The following POGLUT2 variants were observed in gnomAD, a reference collection of about 807,000 sequenced individuals.
POGLUT2 encodes the protein ER protein 58.
In POGLUT2, 47 loss-of-function variants were observed where a neutral mutation model predicts 57.6. That is an observed-to-expected ratio of 0.82 (90% CI 0.65 to 1.04). The LOEUF (loss-of-function observed/expected upper bound fraction) is 1.04, where lower values mean the gene tolerates loss of function less well. Among genes scored for constraint, POGLUT2 ranks in the 50% least tolerant of loss-of-function variants. POGLUT2 has a pLI of 0.00. For synonymous variants in POGLUT2, 200 were observed against 218.8 expected, an observed-to-expected ratio of 0.91 and a Z score of 0.76; for missense variants, 565 against 614.8, an observed-to-expected ratio of 0.92 and a Z score of 0.86.
Position 102,789,198 on chromosome 13 carries a change from A to G in POGLUT2, c.1107T>C (p.Asp369=). The change falls in exon 7 of 10, where the codon GAT becomes GAC. Residue 369 remains aspartate (D), a synonymous_variant. Transcript: ENST00000376004. ...FFKHKYQINI[D]GTVAAYRLPY... ...GCAGGCGATAAGCTGCTACAGTGCC[A>G]TCGATATTTATTTGATACTTATGCT... The G allele has an allele frequency of 1.2e-6, 2 of 1,614,044 alleles. No individual in the cohort carries two copies. The highest frequency in any genetic ancestry group is 1.7e-4 in the Middle Eastern group (1 of 6,058).
rs774757152 is a variant in POGLUT2 at position 102,793,710 on chromosome 13, C to T, written c.485G>A (p.Arg162Lys). 2.5e-6 allele frequency: 4 copies of T among 1,614,042 alleles called. No individual in the cohort carries two copies. Among genetic ancestry groups the T allele is most frequent in the Non-Finnish European group, 3.4e-6 (4 of 1,180,010 alleles). The change falls in exon 3 of 10, where the codon AGA (arginine) becomes AAA (lysine). Residue 162 changes from arginine to lysine, a missense_variant. Arg to Lys is a conservative substitution (Grantham distance 26). Transcript: ENST00000376004. ...NCPETIAQIQ[R>K]DLAHFPAVDP... Reference sequence around the variant, plus strand: ...CACAGCAGGGAAATGTGCCAGATCTCTCTGAATCTGAGCAATGGTTTCAGG... The same window carrying T: ...CACAGCAGGGAAATGTGCCAGATCTTTCTGAATCTGAGCAATGGTTTCAGG...
At chr13:102,796,699 AATATATATAT>A (rs869271164) in intron 2 of POGLUT2, 95 bp downstream of exon 2, 30 of 151,342 alleles carry the variant, frequency 2.0e-4, no homozygotes, top group Non-Finnish European at 2.6e-4. Flanking sequence ...AAAAAAAAAA[AATATATATAT>A]ATATATATAT....
rs117699401 is a variant in POGLUT2, at chr13:102,789,889, C to T, written c.1084-668G>A. Among the ~76,000 whole-genome samples, 117 of 152,336 alleles carry T rather than the reference C, an allele frequency of 7.7e-4. No homozygotes were observed. In the East Asian group the frequency reaches 0.018, roughly 24 times the overall value. On this transcript the variant is annotated intron_variant, in intron 6 of 9. Coordinates refer to ENST00000376004, the MANE Select transcript of POGLUT2 (RefSeq NM_024089.3). ...CTAGGATTACAGGCGTGAGCCATCA[C>T]GCCTGGCTAACCGTATTTTTTAAAC...
At chr13:102,789,536 C>T (rs183464337) in intron 6 of POGLUT2, among the ~76,000 whole-genome samples, 221 of 152,338 alleles carry the variant, frequency 1.5e-3, no homozygotes, top group African/African-American at 5.1e-3. Flanking sequence ...AATTCTCCTG[C>T]TACTTTATTG....
At chr13:102,791,947 T>C in intron 4 of POGLUT2, 1 of 1,249,776 alleles carries the variant, frequency 8.0e-7, no homozygotes, top group Non-Finnish European at 1.0e-6. Context: ...GTTTAGAGTA[T>C]TTACAAAACA....
At chr13:102,784,995 C>T (rs897304139) in intron 9 of POGLUT2, among the ~76,000 whole-genome samples, 4 of 152,132 alleles carry the variant, frequency 2.6e-5, no homozygotes, top group African/African-American at 7.2e-5. Context: ...GGGAACCTTT[C>T]GATTTGGCAA....
At chr13:102,784,639 G>T in intron 9 of POGLUT2, 127 bp from the exon 10 acceptor site, 1 of 635,662 alleles carries the variant, frequency 1.6e-6, no homozygotes, top group Non-Finnish European at 2.9e-6. Flanking sequence ...GGCTTTTAGG[G>T]CTTGGGACTA....
intron 2 of POGLUT2, among the ~76,000 whole-genome samples, chr13:102,794,115 T>C (rs1039997740): frequency 1.3e-5 from 2 of 151,954 alleles, no homozygotes; most frequent in Non-Finnish European, 2.9e-5. Context: ...CATGCACCTG[T>C]GGTTTCAGCT....
intron 6 of POGLUT2, 83 bp from the exon 7 acceptor site, chr13:102,789,304 C>G (rs951151005): frequency 8.8e-7 from 1 of 1,138,014 alleles, no homozygotes; most frequent in Non-Finnish European, 1.3e-6. Flanking sequence ...CACACATAAA[C>G]CTTTGCAATC....
Position 102,798,727 on chromosome 13 carries a change from A to G in POGLUT2, c.-57T>C. The stretch of plus-strand genomic sequence containing the variant: ...ATAAATGAAGAAGTGTAAGAGGTGG[A>G]CAGAAGCAGCCGAGCCTTCGGCAGG... On this transcript the variant is annotated 5_prime_UTR_variant, in exon 1 of 10. Transcript: ENST00000376004. The G allele has an allele frequency of 6.8e-7, 1 of 1,467,334 alleles. No individual in the cohort carries two copies. Among genetic ancestry groups the G allele is most frequent in the East Asian group, 2.5e-5 (1 of 39,780 alleles). 90.9% of individuals were successfully genotyped at this position (1,467,334 alleles called of 1,614,324 possible). A position where few individuals can be genotyped will look rare whatever the true frequency, so the allele number is the denominator to read the frequency against.
At chr13:102,795,200 C>T (rs1172698004) in intron 2 of POGLUT2, among the ~76,000 whole-genome samples, 3 of 137,886 alleles carry the variant, frequency 2.2e-5, no homozygotes, top group South Asian at 2.2e-4. Flanking sequence ...TGCAGTGAGC[C>T]GAGATTGCAC....
At chr13:102,785,776 T>A (rs904065332) in intron 9 of POGLUT2, among the ~76,000 whole-genome samples, 1 of 152,164 alleles carries the variant, frequency 6.6e-6, no homozygotes, top group African/African-American at 2.4e-5. Context: ...ATCAATGAGA[T>A]CCTTATGTAG....
chr13:102,794,637 C>T (rs1878305420), intron 2 of POGLUT2, among the ~76,000 whole-genome samples: 2 of 152,082 alleles, frequency 1.3e-5, no homozygotes, highest in Admixed American at 1.3e-4. Context: ...TGTGCTCCAG[C>T]TTGGGGGACA....
At position 102,787,856 on chromosome 13, in the gene POGLUT2, C is replaced by A; in HGVS notation, c.1361G>T (p.Cys454Phe). 6.3e-7 allele frequency: 1 copy of A among 1,575,948 alleles called. No individual in the cohort carries two copies. Among genetic ancestry groups the A allele is most frequent in the Non-Finnish European group, 8.7e-7 (1 of 1,154,086 alleles). ...RNNLMGDDIF[C>F]YYFKLFQEYA... The stretch of plus-strand genomic sequence containing the variant: ...GACCTGGAAAAGTTTGAAATAATAA[C>A]AGAATATGTCATCGCCCATGAGATT... The change falls in exon 8 of 10, where the codon TGT becomes TTT. Residue 454 changes from cysteine (C) to phenylalanine (F), a missense_variant. Coordinates refer to ENST00000376004, the MANE Select transcript of POGLUT2 (RefSeq NM_024089.3).
chr13:102,794,215 C>T (rs1208501972), intron 2 of POGLUT2, among the ~76,000 whole-genome samples: 1 of 151,950 alleles, frequency 6.6e-6, no homozygotes, highest in Non-Finnish European at 1.5e-5. Flanking sequence ...CTGGGCAAGA[C>T]AGTGAGAGCC....
chr13:102,788,208 G>A (rs1294856132), intron 7 of POGLUT2, among the ~76,000 whole-genome samples: 2 of 152,224 alleles, frequency 1.3e-5, no homozygotes, highest in African/African-American at 2.4e-5. Context: ...CTTTGTAAAC[G>A]CAAGATGAAG....
intron 8 of POGLUT2, 86 bp from the exon 9 acceptor site, chr13:102,786,425 A>AGTC: frequency 1.1e-6 from 1 of 877,392 alleles, no homozygotes; most frequent in Non-Finnish European, 1.9e-6. Context: ...GAAGACTATG[A>AGTC]TTCATTTAAC....
At position 102,796,889 on chromosome 13, in the gene POGLUT2, G is replaced by T. The variant is rs1223902156; in HGVS notation, c.303C>A (p.Tyr101Ter). ...GATTTTTGTAGCTTGCATACATTCT[G>T]TATCTTACTATGAAGGACCCATCTT... Reference protein sequence around the residue: ...DRKDGSFIVRYRMYASYKNLK... With the variant: ...DRKDGSFIVR The change falls in exon 2 of 10, where the codon TAC becomes TAA. Residue 101 changes from tyrosine (Y) to a stop codon, truncating the protein, a stop_gained. Transcript: ENST00000376004. LOFTEE classifies it high-confidence loss of function. 1 of 1,610,538 alleles carries T rather than the reference G, an allele frequency of 6.2e-7. No homozygotes were observed. Among genetic ancestry groups the T allele is most frequent in the Non-Finnish European group, 8.5e-7 (1 of 1,176,972 alleles).
At position 102,789,219 on chromosome 13, in the gene POGLUT2, A is replaced by T. The variant is rs752492332; in HGVS notation, c.1086T>A (p.His362Gln). ...KHISFFDFFK[H>Q]KYQINIDGTV... ...TGCCATCGATATTTATTTGATACTTATGCTGCAAAACAATGGTAAAGTCTA... is the reference window on the plus strand; with the variant it reads ...TGCCATCGATATTTATTTGATACTTTTGCTGCAAAACAATGGTAAAGTCTA... The change falls in exon 7 of 10, where the codon CAT (histidine) becomes CAA (glutamine). Residue 362 changes from histidine to glutamine, a missense_variant and splice_region_variant. His to Gln is a conservative substitution (Grantham distance 24). Coordinates refer to ENST00000376004, the MANE Select transcript of POGLUT2 (RefSeq NM_024089.3). 6.2e-7 allele frequency: 1 copy of T among 1,613,016 alleles called. No homozygotes were observed. Among genetic ancestry groups the T allele is most frequent in the Non-Finnish European group, 8.5e-7 (1 of 1,179,066 alleles).
Sources: gnomAD v4.1 joint callset for allele counts (sites outside exome capture counted in the v4.1 genomes callset) on GRCh38, gnomAD v4.1.1 for gene constraint, MANE v1.5 for transcripts, NCBI Gene and HGNC (gene_info 2026-07-23, HGNC 2026-07-21) for gene names.